Variants in CNTN4 observed in about 807,000 individuals in gnomAD.
CNTN4 encodes the protein contactin-4.
A neutral mutation model predicts 122.5 loss-of-function variants in CNTN4; 77 were observed. The observed-to-expected ratio is 0.63, with a 90% CI of 0.52 to 0.76. The LOEUF is 0.76. Among genes scored for constraint, CNTN4 ranks in the 30% least tolerant of loss-of-function variants. The pLI, the probability that CNTN4 is intolerant of heterozygous loss-of-function variation, is 0.00. For synonymous variants in CNTN4, 512 were observed against 447.0 expected, an observed-to-expected ratio of 1.15 and a Z score of -1.83; for missense variants, 1,256 against 1,259.1, an observed-to-expected ratio of 1.00 and a Z score of 0.04.
At chr3:2,343,538 G>A (rs1292728780) in intron 3 of CNTN4, among the ~76,000 whole-genome samples, 1 of 152,138 alleles carries the variant, frequency 6.6e-6, no homozygotes, top group Non-Finnish European at 1.5e-5. Flanking sequence ...AGTAACCAGT[G>A]GGAAACCTCT....
At chr3:2,222,842 TCTAAA>T (rs2039114560) in intron 2 of CNTN4, among the ~76,000 whole-genome samples, 1 of 152,220 alleles carries the variant, frequency 6.6e-6, no homozygotes, top group Non-Finnish European at 1.5e-5. Flanking sequence ...CTCATCTTTC[TCTAAA>T]CTAAACAAAC....
intron 4 of CNTN4, among the ~76,000 whole-genome samples, chr3:2,703,236 G>A (rs1019681771): frequency 4.6e-5 from 7 of 152,148 alleles, no homozygotes; most frequent in Non-Finnish European, 8.8e-5. Flanking sequence ...GCCTAATATA[G>A]TACCTGGTGC....
At chr3:2,213,560 A>C in intron 2 of CNTN4, among the ~76,000 whole-genome samples, 1 of 152,194 alleles carries the variant, frequency 6.6e-6, no homozygotes, top group East Asian at 1.9e-4. Context: ...AATCAGCATT[A>C]ATATATAAAC....
At chr3:2,924,869 A>G (rs1397566299) in intron 12 of CNTN4, among the ~76,000 whole-genome samples, 1 of 152,188 alleles carries the variant, frequency 6.6e-6, no homozygotes, top group Non-Finnish European at 1.5e-5. Flanking sequence ...ATAGAGATAT[A>G]TATGAAGAGT....
chr3:2,458,089 A>G (rs2049067267), intron 3 of CNTN4, among the ~76,000 whole-genome samples: 1 of 152,124 alleles, frequency 6.6e-6, no homozygotes, highest in Non-Finnish European at 1.5e-5. Context: ...TCTCTACAGC[A>G]TTGCAAACTA....
intron 4 of CNTN4, among the ~76,000 whole-genome samples, chr3:2,640,600 G>A (rs182061062): frequency 2.2e-4 from 34 of 152,170 alleles, no homozygotes; most frequent in Admixed American, 2.0e-3. Flanking sequence ...ATAATAACTG[G>A]ACACAAGAAC....
chr3:2,900,698 G>T lies in CNTN4; in HGVS notation c.954G>T (p.Trp318Cys). The change falls in exon 11 of 25, where the codon TGG becomes TGT. Residue 318 changes from tryptophan (W) to cysteine (C), a missense_variant. Coordinates refer to ENST00000418658, the MANE Select transcript of CNTN4 (RefSeq NM_175607.3). ...GGATGCCTATAGCTCAACCTAATTG[G>T]ATTCAAAAAATAAATGATATTCACG... ...GQLTFYAQPN[W>C]IQKINDIHVA... 6 of 1,613,690 alleles carry T rather than the reference G, an allele frequency of 3.7e-6. No homozygotes were observed. The highest frequency in any genetic ancestry group is 5.1e-6 in the Non-Finnish European group (6 of 1,179,718).
chr3:2,909,734 C>G (rs570558262), intron 12 of CNTN4, among the ~76,000 whole-genome samples: 2 of 152,152 alleles, frequency 1.3e-5, no homozygotes, highest in Non-Finnish European at 2.9e-5. Flanking sequence ...CAGGCTTTAT[C>G]GTGCATCACA....
intron 2 of CNTN4, among the ~76,000 whole-genome samples, chr3:2,153,810 C>T (rs927519850): frequency 2.0e-5 from 3 of 152,100 alleles, no homozygotes; most frequent in African/African-American, 7.2e-5. Context: ...GTGTTGGCTT[C>T]AGCTGTAGCC....
intron 2 of CNTN4, among the ~76,000 whole-genome samples, chr3:2,336,082 T>C (rs2043942951): frequency 6.6e-6 from 1 of 152,148 alleles, no homozygotes. Context: ...ATGAGTGGTA[T>C]GCTAAAGACA....
intron 4 of CNTN4, among the ~76,000 whole-genome samples, chr3:2,582,293 A>C (rs759270087): frequency 6.6e-6 from 1 of 152,232 alleles, no homozygotes; most frequent in Non-Finnish European, 1.5e-5. Flanking sequence ...TTACATAATT[A>C]TAGTCCTATC....
chr3:2,525,279 A>G (rs553904501), intron 3 of CNTN4, among the ~76,000 whole-genome samples: 26 of 152,308 alleles, frequency 1.7e-4, no homozygotes, highest in African/African-American at 5.5e-4. Flanking sequence ...AAAATAGGCT[A>G]GAAAAGGGAT....
intron 23 of CNTN4, among the ~76,000 whole-genome samples, chr3:3,049,900 G>A (rs890989104): frequency 7.9e-5 from 12 of 152,190 alleles, no homozygotes; most frequent in Non-Finnish European, 1.6e-4. Context: ...TGGCAGACAG[G>A]AATATAGATC....
chr3:2,185,854 G>A (rs1394263413), intron 2 of CNTN4, among the ~76,000 whole-genome samples: 3 of 152,104 alleles, frequency 2.0e-5, no homozygotes, highest in African/African-American at 7.2e-5. Flanking sequence ...TATGAGGCAT[G>A]TGGGACTCCA....
intron 13 of CNTN4, among the ~76,000 whole-genome samples, chr3:2,942,195 T>G (rs1365774907): frequency 1.3e-5 from 2 of 152,138 alleles, no homozygotes; most frequent in Non-Finnish European, 2.9e-5. Context: ...TTACAGCCTC[T>G]TTTCACGAGG....
At chr3:2,374,964 C>T (rs2045763435) in intron 3 of CNTN4, among the ~76,000 whole-genome samples, 2 of 152,264 alleles carry the variant, frequency 1.3e-5, no homozygotes, top group Admixed American at 1.3e-4. Context: ...TAACCTATTA[C>T]TTATTTTAGC....
intron 2 of CNTN4, among the ~76,000 whole-genome samples, chr3:2,224,196 G>T (rs570045983): frequency 2.6e-5 from 4 of 152,252 alleles, no homozygotes; most frequent in African/African-American, 9.6e-5. Context: ...GTATGCCAAA[G>T]AAATATATTT....
chr3:2,250,108 A>T (rs950074112), intron 2 of CNTN4, among the ~76,000 whole-genome samples: 7 of 151,958 alleles, frequency 4.6e-5, no homozygotes, highest in African/African-American at 1.7e-4. Context: ...ATTTGATCGA[A>T]TAACATTTCA....
At chr3:2,541,546 A>G (rs1322256868) in intron 3 of CNTN4, among the ~76,000 whole-genome samples, 1 of 152,076 alleles carries the variant, frequency 6.6e-6, no homozygotes, top group East Asian at 1.9e-4. Context: ...AAGCTTTGGA[A>G]TTTTAAGAGT....
Sources: gnomAD v4.1 joint callset for allele counts (sites outside exome capture counted in the v4.1 genomes callset) on GRCh38, gnomAD v4.1.1 for gene constraint, MANE v1.5 for transcripts, NCBI Gene and HGNC (gene_info 2026-07-23, HGNC 2026-07-21) for gene names.